Variants in ITSN1 observed in about 807,000 individuals in gnomAD.
The protein encoded by ITSN1 is intersectin-1.
In ITSN1, 58 loss-of-function variants were observed where a neutral mutation model predicts 239.8. The ratio of observed to expected loss-of-function variants is 0.24; its 90% CI spans 0.20 to 0.30. The LOEUF is 0.30. ITSN1 is among the 10% of genes least tolerant of loss of function. ITSN1 has a pLI of 1.00. For synonymous variants in ITSN1, 780 were observed against 770.8 expected (o/e 1.01, Z -0.20); for missense variants, 1,558 against 2,103.3 (o/e 0.74, Z 5.07).
At chr21:33,717,863 G>A (rs751779409) in intron 1 of ITSN1, among the ~76,000 whole-genome samples, 19 of 152,124 alleles carry the variant, frequency 1.2e-4, no homozygotes, top group African/African-American at 3.9e-4. Flanking sequence ...CACTGCGCCC[G>A]GCCCTAAATC....
chr21:33,799,301 A>G (rs1370802564), intron 18 of ITSN1, among the ~76,000 whole-genome samples: 1 of 152,164 alleles, frequency 6.6e-6, no homozygotes, highest in Non-Finnish European at 1.5e-5. Flanking sequence ...CAAAATCAGC[A>G]CTTAGTTTTT....
chr21:33,709,585 C>G (rs1225685380), intron 1 of ITSN1, among the ~76,000 whole-genome samples: 1 of 152,086 alleles, frequency 6.6e-6, no homozygotes, highest in Non-Finnish European at 1.5e-5. Flanking sequence ...CCCAGCCTGT[C>G]TTTTGTTAAA....
intron 6 of ITSN1, among the ~76,000 whole-genome samples, chr21:33,751,367 A>G (rs545311109): frequency 1.3e-5 from 2 of 152,220 alleles, no homozygotes; most frequent in Non-Finnish European, 2.9e-5. Context: ...ATAATCAGAC[A>G]CAAAAGCTGA....
At chr21:33,803,920 A>G (rs73900366) in intron 20 of ITSN1, among the ~76,000 whole-genome samples, 2,927 of 152,298 alleles carry the variant, frequency 0.019, 93 homozygotes, top group African/African-American at 0.066. Context: ...TACAAAATGC[A>G]TTGTGATACT....
chr21:33,844,097 A>C (rs548987624), intron 29 of ITSN1, among the ~76,000 whole-genome samples: 19 of 152,364 alleles, frequency 1.2e-4, no homozygotes, highest in African/African-American at 4.6e-4. Flanking sequence ...ACTTTGAGCT[A>C]TCTCATTGCA....
intron 27 of ITSN1, 101 bp downstream of exon 27, chr21:33,829,846 C>T (rs2074189123): frequency 5.8e-6 from 8 of 1,370,966 alleles, no homozygotes; most frequent in Non-Finnish European, 8.0e-6. Flanking sequence ...CCACCCCTCA[C>T]CACCTAAATT....
chr21:33,654,451 T>C (rs1369618795), intron 1 of ITSN1, among the ~76,000 whole-genome samples: 1 of 152,164 alleles, frequency 6.6e-6, no homozygotes, highest in African/African-American at 2.4e-5. Flanking sequence ...TAGTTCCGTA[T>C]TTTGATTATG....
In ITSN1 at chr21:33,750,329, G is replaced by A; in HGVS notation, c.526+7G>A. 1 of 1,612,068 alleles carries A rather than the reference G, an allele frequency of 6.2e-7. No homozygotes were observed. Among genetic ancestry groups the A allele is most frequent in the Non-Finnish European group, 8.5e-7 (1 of 1,179,576 alleles). ...CCTGCATTTGCTCATCCTGGTATGT[G>A]ACTTGCTGAAACCATAGGCTGAGTT... is the stretch of plus-strand genomic sequence containing the variant. On this transcript the variant is annotated splice_region_variant and intron_variant, in intron 6 of 39. Coordinates refer to ENST00000381318, the MANE Select transcript of ITSN1 (RefSeq NM_003024.3).
chr21:33,806,233 C>T (rs1466663590), intron 20 of ITSN1, among the ~76,000 whole-genome samples: 2 of 151,870 alleles, frequency 1.3e-5, no homozygotes, highest in Non-Finnish European at 2.9e-5. Flanking sequence ...TTTTAATATC[C>T]TCATCTAGGA....
chr21:33,672,946 G>A (rs1239887072), intron 1 of ITSN1, among the ~76,000 whole-genome samples: 2 of 152,188 alleles, frequency 1.3e-5, no homozygotes, highest in African/African-American at 4.8e-5. Flanking sequence ...TCTTGACCTC[G>A]TGATCCACCT....
At chr21:33,855,170 C>T (rs942201650) in intron 29 of ITSN1, among the ~76,000 whole-genome samples, 3 of 152,298 alleles carry the variant, frequency 2.0e-5, no homozygotes, top group East Asian at 3.9e-4. Flanking sequence ...GATGGAAACT[C>T]GAGGAACCCC....
intron 1 of ITSN1, chr21:33,716,364 G>A (rs1015593469): frequency 1.3e-5 from 2 of 152,180 alleles, no homozygotes; most frequent in South Asian, 2.1e-4. Flanking sequence ...AAAGTCAAGT[G>A]AGCCTGTACA....
chr21:33,795,443 G>GTC (rs2071468715), intron 17 of ITSN1, among the ~76,000 whole-genome samples: 1 of 152,198 alleles, frequency 6.6e-6, no homozygotes, highest in Non-Finnish European at 1.5e-5. Flanking sequence ...GCAAGACTCT[G>GTC]TCTCAAGAAA....
At chr21:33,672,718 T>TG (rs942402066) in intron 1 of ITSN1, among the ~76,000 whole-genome samples, 12 of 151,994 alleles carry the variant, frequency 7.9e-5, no homozygotes, top group African/African-American at 2.7e-4. Flanking sequence ...GAAACGATTT[T>TG]TTTTTTTTTT....
chr21:33,798,326 C>T (rs2071721966), intron 18 of ITSN1, among the ~76,000 whole-genome samples: 1 of 151,610 alleles, frequency 6.6e-6, no homozygotes, highest in Non-Finnish European at 1.5e-5. Flanking sequence ...TCTTGAACTC[C>T]TGGCCTCAGG....
intron 1 of ITSN1, among the ~76,000 whole-genome samples, chr21:33,679,889 G>C (rs1003343571): frequency 6.6e-6 from 1 of 151,854 alleles, no homozygotes; most frequent in Admixed American, 6.6e-5. Flanking sequence ...TAGTAGAGAC[G>C]AGGTTTCACC....
At chr21:33,748,489 A>T (rs1474982787) in intron 5 of ITSN1, among the ~76,000 whole-genome samples, 1 of 152,126 alleles carries the variant, frequency 6.6e-6, no homozygotes, top group East Asian at 1.9e-4. Flanking sequence ...TACTATTATT[A>T]TGTAATAATA....
Position 33,819,226 on chromosome 21 carries a change from C to T in ITSN1, c.2934-15C>T. 6.3e-7 allele frequency: 1 copy of T among 1,584,610 alleles called. No individual in the cohort carries two copies. The highest frequency in any genetic ancestry group is 8.7e-7 in the Non-Finnish European group (1 of 1,155,570). On this transcript the variant is annotated splice_polypyrimidine_tract_variant and intron_variant, in intron 23 of 39. Coordinates refer to ENST00000381318, the MANE Select transcript of ITSN1 (RefSeq NM_003024.3). ...AAGATAAAAATTAAAATACTCTCTT[C>T]TTCCATTATTGCAGCATGGATTCTG...
chr21:33,708,075 G>A (rs1424854393), intron 1 of ITSN1, among the ~76,000 whole-genome samples: 1 of 152,126 alleles, frequency 6.6e-6, no homozygotes, highest in East Asian at 1.9e-4. Context: ...CCATTCTAGT[G>A]GAAATATAGT....
Sources: gnomAD v4.1 joint callset for allele counts (sites outside exome capture counted in the v4.1 genomes callset) on GRCh38, gnomAD v4.1.1 for gene constraint, MANE v1.5 for transcripts, NCBI Gene and HGNC (gene_info 2026-07-23, HGNC 2026-07-21) for gene names.